PTPN2: variants seen among roughly 807,000 people sequenced by gnomAD.
The protein encoded by PTPN2 is protein tyrosine phosphatase non-receptor type 2.
PTPN2 carries 19 observed loss-of-function variants against 57.3 expected under a neutral mutation model. The ratio of observed to expected loss-of-function variants is 0.33; its 90% confidence interval spans 0.23 to 0.49. PTPN2 has a LOEUF of 0.49. PTPN2 is among the 20% of genes least tolerant of loss of function. The pLI is 0.99. For missense variants in PTPN2, 358 were observed against 501.1 expected (o/e 0.71, Z 2.73); for synonymous variants, 153 against 164.9 (o/e 0.93, Z 0.55).
rs59210712 is a variant in PTPN2, at chr18:12,824,434, C to T, written c.495+1376G>A. On this transcript the variant is annotated intron_variant, in intron 5 of 8. Coordinates refer to ENST00000309660, the MANE Select transcript of PTPN2 (RefSeq NM_002828.4). ...AAGGGACTGCCACACATCTAAAAAG[C>T]ATGTATATATCTCCCTTCTCTTTAA... is the stretch of plus-strand genomic sequence containing the variant. Among the ~76,000 whole-genome samples, 1,083 of 152,278 alleles carry T rather than the reference C, an allele frequency of 7.1e-3. 19 individuals carry two copies. The highest frequency in any genetic ancestry group is 0.025 in the African/African-American group (1,053 of 41,546).
At chr18:12,865,734 C>T (rs1049223803) in intron 1 of PTPN2, among the ~76,000 whole-genome samples, 21 of 151,434 alleles carry the variant, frequency 1.4e-4, no homozygotes, top group Admixed American at 3.3e-4. Flanking sequence ...GGCTGAGGAA[C>T]GAGAATTGCT....
rs183784200 is a variant in PTPN2, at chr18:12,802,591, C to T, written c.859-440G>A. 1.6e-3 allele frequency among the ~76,000 whole-genome samples: 250 copies of T among 152,228 alleles called. 2 individuals carry two copies. The highest frequency in any genetic ancestry group is 2.1e-3 in the Non-Finnish European group (142 of 68,006). On this transcript the variant is annotated intron_variant, in intron 7 of 8. Coordinates refer to ENST00000309660, the MANE Select transcript of PTPN2 (RefSeq NM_002828.4). ...TATAATAAAGCCATCAAAAGTCAGA[C>T]ATAGAGAATTCTAAAAGCAGCAAGA... is the stretch of plus-strand genomic sequence containing the variant.
At chr18:12,801,501 G>A (rs780683603) in intron 8 of PTPN2, among the ~76,000 whole-genome samples, 33 of 151,868 alleles carry the variant, frequency 2.2e-4, no homozygotes, top group Non-Finnish European at 3.5e-4. Flanking sequence ...GAAAAAAAAA[G>A]GTTATATTAA....
rs1158560018 is a variant in PTPN2, at chr18:12,861,122, G to C, written c.70-1868C>G. ...CCCAAAGTGCTAGGATTACAGGTTT[G>C]AGCCAACACCATCAGCCGAGTATCT... On this transcript the variant is annotated intron_variant, in intron 1 of 8. Coordinates refer to ENST00000309660, the MANE Select transcript of PTPN2 (RefSeq NM_002828.4). 2.0e-5 allele frequency among the ~76,000 whole-genome samples: 3 copies of C among 152,122 alleles called. No individual in the cohort carries two copies. The East Asian group carries it at 5.8e-4, about 29-fold the overall frequency.
intron 1 of PTPN2, among the ~76,000 whole-genome samples, chr18:12,874,091 G>A (rs2044378443): frequency 6.6e-6 from 1 of 151,968 alleles, no homozygotes. Context: ...CCTCCGCCCG[G>A]CAGCCACCCT....
At chr18:12,856,093 A>G (rs939325688) in intron 2 of PTPN2, among the ~76,000 whole-genome samples, 1 of 152,212 alleles carries the variant, frequency 6.6e-6, no homozygotes, top group African/African-American at 2.4e-5. Flanking sequence ...ATGTCAGCGG[A>G]GCTGAACAGG....
intron 7 of PTPN2, among the ~76,000 whole-genome samples, chr18:12,810,072 C>T (rs1330175621): frequency 6.6e-6 from 1 of 152,124 alleles, no homozygotes; most frequent in Non-Finnish European, 1.5e-5. Flanking sequence ...ATCCCAGTTA[C>T]TTGGGAGGCT....
chr18:12,882,120 G>A (rs553251056), intron 1 of PTPN2, among the ~76,000 whole-genome samples: 58 of 152,318 alleles, frequency 3.8e-4, no homozygotes, highest in African/African-American at 1.3e-3. Context: ...CTGAATGGAT[G>A]TTCTAAGGCC....
At chr18:12,873,798 G>T (rs1016050262) in intron 1 of PTPN2, among the ~76,000 whole-genome samples, 1 of 152,032 alleles carries the variant, frequency 6.6e-6, no homozygotes, top group African/African-American at 2.4e-5. Context: ...AGTCTGGAAA[G>T]TGATGAGCAT....
intron 2 of PTPN2, among the ~76,000 whole-genome samples, chr18:12,843,632 G>A (rs1381901473): frequency 6.6e-6 from 1 of 152,144 alleles, no homozygotes; most frequent in African/African-American, 2.4e-5. Context: ...GAGGGCAGCA[G>A]GAGCACCCAG....
chr18:12,806,289 C>T (rs1479726185), intron 7 of PTPN2, among the ~76,000 whole-genome samples: 1 of 151,950 alleles, frequency 6.6e-6, no homozygotes, highest in Non-Finnish European at 1.5e-5. Flanking sequence ...AATTATAAAA[C>T]ATTAATGGAA....
intron 1 of PTPN2, among the ~76,000 whole-genome samples, chr18:12,877,594 C>T (rs2044530953): frequency 6.6e-6 from 1 of 152,224 alleles, no homozygotes; most frequent in African/African-American, 2.4e-5. Context: ...ACCTGCCTAA[C>T]TGGCTGCCCC....
chr18:12,857,384 T>C (rs189852004), intron 2 of PTPN2, among the ~76,000 whole-genome samples: 1 of 152,284 alleles, frequency 6.6e-6, no homozygotes, highest in African/African-American at 2.4e-5. Flanking sequence ...GGATGGACTG[T>C]ATTGTTTCAG....
intron 2 of PTPN2, among the ~76,000 whole-genome samples, chr18:12,846,641 C>T (rs2043218811): frequency 6.6e-6 from 1 of 152,158 alleles, no homozygotes; most frequent in African/African-American, 2.4e-5. Flanking sequence ...GACGTGGAAC[C>T]AGCCATTTCT....
At chr18:12,788,432 C>CTTATTTT (rs2040898764), downstream of PTPN2, among the ~76,000 whole-genome samples, 1 of 90,110 alleles carries the variant, frequency 1.1e-5, no homozygotes, top group Non-Finnish European at 2.0e-5. Flanking sequence ...GGGATCAGGG[C>CTTATTTT]TTTTTTTTTT....
intron 2 of PTPN2, among the ~76,000 whole-genome samples, chr18:12,842,810 C>T (rs2043087367): frequency 6.6e-6 from 1 of 152,172 alleles, no homozygotes; most frequent in African/African-American, 2.4e-5. Flanking sequence ...AGTGTCATAA[C>T]AATTTAAGTC....
At chr18:12,825,759 T>C (rs2042427887) in intron 5 of PTPN2, 51 bp downstream of exon 5, 1 of 1,515,668 alleles carries the variant, frequency 6.6e-7, no homozygotes, top group Non-Finnish European at 9.0e-7. Context: ...TAAAGAATAA[T>C]TCTTTAAACC....
chr18:12,826,750 G>A (rs1478748272), intron 4 of PTPN2, among the ~76,000 whole-genome samples: 3 of 151,896 alleles, frequency 2.0e-5, no homozygotes, highest in Non-Finnish European at 4.4e-5. Flanking sequence ...TGTATTTTTA[G>A]TAGAGACAGG....
downstream of PTPN2, chr18:12,788,145 C>T (rs747603845): frequency 6.5e-6 from 1 of 154,760 alleles, no homozygotes; most frequent in Non-Finnish European, 1.5e-5. Flanking sequence ...CAAGAGCAAC[C>T]TGTGTCTGAA....
Sources: allele counts gnomAD v4.1 joint callset (sites outside exome capture counted in the v4.1 genomes callset), GRCh38; gene constraint gnomAD v4.1.1; transcripts MANE v1.5; gene names NCBI Gene and HGNC (gene_info 2026-07-23, HGNC 2026-07-21).